AS3MT: variants seen among roughly 807,000 people sequenced by gnomAD.
The protein encoded by AS3MT is arsenite methyltransferase.
Under a neutral mutation model 45.3 loss-of-function variants are expected in AS3MT, and 47 were observed. That is an observed-to-expected ratio of 1.04 (90% CI 0.82 to 1.32). The LOEUF (loss-of-function observed/expected upper bound fraction) is 1.32, where lower values mean the gene tolerates loss of function less well. Among genes scored for constraint, AS3MT ranks in the 40% most tolerant of loss-of-function variants. The pLI is 0.00. For missense variants in AS3MT, 396 were observed against 451.1 expected, an observed-to-expected ratio of 0.88 and a Z score of 1.11; for synonymous variants, 141 against 152.8, an observed-to-expected ratio of 0.92 and a Z score of 0.57.
intron 9 of AS3MT, among the ~76,000 whole-genome samples, chr10:102,887,019 A>G (rs1156615822): frequency 1.3e-5 from 2 of 151,982 alleles, no homozygotes; most frequent in Admixed American, 6.6e-5. Context: ...AGATTTTTGC[A>G]TGTTGTATTT....
intron 6 of AS3MT, among the ~76,000 whole-genome samples, chr10:102,876,103 T>C (rs1408901014): frequency 1.3e-5 from 2 of 152,092 alleles, no homozygotes; most frequent in Non-Finnish European, 1.5e-5. Context: ...AGAAACACTA[T>C]TATAGAATCT....
At position 102,897,783 on chromosome 10, in the gene AS3MT, T is replaced by A. The variant is rs574378584; in HGVS notation, c.1021-2810T>A. On this transcript the variant is annotated intron_variant, in intron 10 of 10. Transcript: ENST00000369880. ...GCCCAGCCACTCTGGCTATTTTTTTTAAAAAAGGAGTTAAATGAGTTTGCT... is the reference window on the plus strand; with the variant it reads ...GCCCAGCCACTCTGGCTATTTTTTTAAAAAAAGGAGTTAAATGAGTTTGCT... Among the ~76,000 whole-genome samples, 16 of 152,226 alleles carry A rather than the reference T, an allele frequency of 1.1e-4. No homozygotes were observed. In the South Asian group the frequency reaches 1.7e-3, roughly 16 times the overall value.
intron 9 of AS3MT, among the ~76,000 whole-genome samples, chr10:102,888,881 A>ATATATATTTTTTTTT (rs1491503446): frequency 1.9e-5 from 1 of 52,522 alleles, no homozygotes; most frequent in Non-Finnish European, 3.6e-5. Context: ...ATATATATAT[A>ATATATATTTTTTTTT]TTTTTTTTTT....
intron 9 of AS3MT, among the ~76,000 whole-genome samples, chr10:102,886,821 T>C (rs1489066035): frequency 6.6e-6 from 1 of 152,162 alleles, no homozygotes; most frequent in East Asian, 1.9e-4. Context: ...TTCACCATGT[T>C]GCCCAGTCTG....
rs1845055423 is a variant in AS3MT, at chr10:102,890,665, CT to C, written c.1010del (p.Leu337TrpfsTer3). The part of the protein sequence containing the change: ...EKLPTSGGCS[A>X]LELKDIITDP... Reference sequence around the variant, plus strand: ...TTGCCAACATCTGGAGGCTGTTCTGCTTTGGAGTTAAAGGTTAGTTTGGCTT... The same window carrying C: ...TTGCCAACATCTGGAGGCTGTTCTGCTTGGAGTTAAAGGTTAGTTTGGCTT... On this transcript the variant is annotated frameshift_variant, in exon 10 of 11. Transcript: ENST00000369880. LOFTEE classifies it low-confidence loss of function (END_TRUNC). The C allele has an allele frequency of 6.2e-7, 1 of 1,610,110 alleles. No homozygotes were observed. The highest frequency in any genetic ancestry group is 1.7e-5 in the Admixed American group (1 of 58,768).
At chr10:102,887,706 A>C (rs891813862) in intron 9 of AS3MT, among the ~76,000 whole-genome samples, 2 of 152,038 alleles carry the variant, frequency 1.3e-5, no homozygotes, top group African/African-American at 4.8e-5. Context: ...TTATAAGTAA[A>C]GTAGGTTTCT....
At chr10:102,882,383 C>CT (rs112156733) in intron 9 of AS3MT, among the ~76,000 whole-genome samples, 112 of 144,766 alleles carry the variant, frequency 7.7e-4, no homozygotes, top group East Asian at 3.0e-3. Flanking sequence ...CTCCAGATTT[C>CT]TTTTTTTTTT....
At chr10:102,899,761 A>G (rs1243600227) in intron 10 of AS3MT, among the ~76,000 whole-genome samples, 1 of 149,154 alleles carries the variant, frequency 6.7e-6, no homozygotes, top group Non-Finnish European at 1.5e-5. Flanking sequence ...TCCACCTCCT[A>G]GGTTCAAGTG....
intron 10 of AS3MT, among the ~76,000 whole-genome samples, chr10:102,899,729 G>A (rs1279315792): frequency 6.7e-6 from 1 of 148,762 alleles, no homozygotes; most frequent in African/African-American, 2.5e-5. Flanking sequence ...GTGCAGTGGT[G>A]TGATCTCAGC....
chr10:102,890,895 T>C (rs1040350516), intron 10 of AS3MT, among the ~76,000 whole-genome samples: 2 of 152,036 alleles, frequency 1.3e-5, no homozygotes, highest in Admixed American at 1.3e-4. Context: ...TGTTTTTTAG[T>C]AGAGATGGGG....
chr10:102,870,565 T>A (rs1844661941), intron 3 of AS3MT, among the ~76,000 whole-genome samples: 2 of 151,768 alleles, frequency 1.3e-5, no homozygotes, highest in Admixed American at 6.6e-5. Context: ...TTTAAAAAAA[T>A]TGCCTAAAAA....
chr10:102,886,015 T>C (rs1481034632), intron 9 of AS3MT, among the ~76,000 whole-genome samples: 2 of 152,148 alleles, frequency 1.3e-5, no homozygotes, highest in African/African-American at 4.8e-5. Flanking sequence ...TGTGTACATA[T>C]ACTACTACGT....
At chr10:102,889,154 T>G (rs1845017705) in intron 9 of AS3MT, among the ~76,000 whole-genome samples, 1 of 151,972 alleles carries the variant, frequency 6.6e-6, no homozygotes, top group African/African-American at 2.4e-5. Context: ...CCTCCCAAAG[T>G]GCTGGGATTA....
intron 9 of AS3MT, among the ~76,000 whole-genome samples, chr10:102,884,012 T>C (rs1292487353): frequency 1.4e-5 from 2 of 147,382 alleles, no homozygotes; most frequent in African/African-American, 2.5e-5. Context: ...AGAATCTTGC[T>C]CTGTCGCCCA....
At chr10:102,896,225 G>C (rs1308699728) in intron 10 of AS3MT, among the ~76,000 whole-genome samples, 1 of 151,454 alleles carries the variant, frequency 6.6e-6, no homozygotes, top group Non-Finnish European at 1.5e-5. Context: ...CCAGTTACTT[G>C]GGGGGCTGAG....
chr10:102,873,285 T>TTAG, intron 5 of AS3MT, 52 bp downstream of exon 5: 1 of 1,307,432 alleles, frequency 7.6e-7, no homozygotes, highest in Non-Finnish European at 1.0e-6. Flanking sequence ...TTTATTATTA[T>TTAG]TATTATTATT....
At chr10:102,875,369 C>G (rs760834131) in intron 6 of AS3MT, among the ~76,000 whole-genome samples, 3 of 146,566 alleles carry the variant, frequency 2.0e-5, no homozygotes, top group Non-Finnish European at 4.5e-5. Context: ...CCCAGCTCCT[C>G]GGGAGGCTGA....
chr10:102,870,763 T>A (rs961909920), intron 3 of AS3MT, among the ~76,000 whole-genome samples: 6 of 152,060 alleles, frequency 3.9e-5, no homozygotes, highest in Non-Finnish European at 8.8e-5. Flanking sequence ...ATTTGGAAGG[T>A]CTTCCCTTTT....
At chr10:102,874,487 G>T in intron 5 of AS3MT, 105 bp from the exon 6 acceptor site, 2 of 770,766 alleles carry the variant, frequency 2.6e-6, no homozygotes. Flanking sequence ...GTAAGAATGG[G>T]GTAGCTTTGA....
Sources: gnomAD v4.1 joint callset for allele counts (sites outside exome capture counted in the v4.1 genomes callset) on GRCh38, gnomAD v4.1.1 for gene constraint, MANE v1.5 for transcripts, NCBI Gene and HGNC (gene_info 2026-07-23, HGNC 2026-07-21) for gene names.